EYA4: variants seen among roughly 807,000 people sequenced by gnomAD.
The protein encoded by EYA4 is protein phosphatase EYA4.
Under a neutral mutation model 87.9 loss-of-function variants are expected in EYA4, and 31 were observed. The ratio of observed to expected loss-of-function variants is 0.35; its 90% CI spans 0.27 to 0.48. The LOEUF is 0.48. EYA4 is among the 20% of genes least tolerant of loss of function. The pLI is 0.99. For synonymous variants in EYA4, 263 were observed against 270.6 expected (o/e 0.97, Z 0.28); for missense variants, 678 against 761.4 (o/e 0.89, Z 1.29).
chr6:133,268,705 G>A (rs1213550883), intron 1 of EYA4, among the ~76,000 whole-genome samples: 1 of 152,104 alleles, frequency 6.6e-6, no homozygotes, highest in African/African-American at 2.4e-5. Context: ...AAGGATCAAT[G>A]GGTCAGCTAG....
chr6:133,344,060 G>A (rs1283064755), intron 2 of EYA4, among the ~76,000 whole-genome samples: 3 of 152,164 alleles, frequency 2.0e-5, no homozygotes, highest in South Asian at 2.1e-4. Flanking sequence ...CTTGAGAAGC[G>A]AGAACAGGAG....
intron 2 of EYA4, among the ~76,000 whole-genome samples, chr6:133,303,380 T>A (rs1779559615): frequency 6.6e-6 from 1 of 152,218 alleles, no homozygotes; most frequent in Non-Finnish European, 1.5e-5. Flanking sequence ...ATTTCAGATA[T>A]TCACTTAACT....
intron 7 of EYA4, 71 bp downstream of exon 7, chr6:133,461,251 G>C: frequency 9.4e-7 from 1 of 1,068,808 alleles, no homozygotes; most frequent in Non-Finnish European, 1.5e-6. Context: ...TAGATGGTTG[G>C]ATAATACTTG....
chr6:133,407,655 G>A (rs1788837607), intron 3 of EYA4, among the ~76,000 whole-genome samples: 1 of 151,926 alleles, frequency 6.6e-6, no homozygotes, highest in Admixed American at 6.6e-5. Context: ...GTTGAGCCCA[G>A]TAAGAATTTG....
At chr6:133,325,703 G>C (rs1444750333) in intron 2 of EYA4, among the ~76,000 whole-genome samples, 1 of 152,146 alleles carries the variant, frequency 6.6e-6, no homozygotes, top group Non-Finnish European at 1.5e-5. Flanking sequence ...TCTAAGGCAG[G>C]GGTCAGCAGA....
intron 1 of EYA4, among the ~76,000 whole-genome samples, chr6:133,267,559 T>C (rs939575159): frequency 1.3e-5 from 2 of 152,024 alleles, no homozygotes; most frequent in Non-Finnish European, 2.9e-5. Context: ...ATTTTTTGTA[T>C]TTTAGTAGAG....
intron 13 of EYA4, among the ~76,000 whole-genome samples, chr6:133,497,352 T>A (rs921291324): frequency 1.3e-5 from 2 of 152,172 alleles, no homozygotes; most frequent in Admixed American, 1.3e-4. Flanking sequence ...TTTGGAAAAT[T>A]CTACTTCCAT....
At chr6:133,521,301 G>A (rs200996545) in intron 17 of EYA4, among the ~76,000 whole-genome samples, 27,872 of 147,736 alleles carry the variant, frequency 0.19, 3,083 homozygotes, top group African/African-American at 0.33. Context: ...AAAAGTGGGC[G>A]AAGGACATGA....
At chr6:133,306,243 G>C (rs1029564566) in intron 2 of EYA4, among the ~76,000 whole-genome samples, 13 of 152,186 alleles carry the variant, frequency 8.5e-5, no homozygotes, top group African/African-American at 3.1e-4. Flanking sequence ...GAGTTCATTT[G>C]AGAATTCAAC....
At chr6:133,357,483 C>T (rs1004535785) in intron 2 of EYA4, among the ~76,000 whole-genome samples, 6 of 152,004 alleles carry the variant, frequency 3.9e-5, no homozygotes, top group African/African-American at 1.5e-4. Flanking sequence ...AATTATGGTA[C>T]CTAATCTAAT....
intron 13 of EYA4, among the ~76,000 whole-genome samples, chr6:133,503,736 T>C (rs1228271977): frequency 6.6e-6 from 1 of 152,044 alleles, no homozygotes; most frequent in Non-Finnish European, 1.5e-5. Context: ...AGACTAATTA[T>C]AGGAATTTTT....
chr6:133,254,042 G>T (rs1232388226), intron 1 of EYA4, among the ~76,000 whole-genome samples: 1 of 152,116 alleles, frequency 6.6e-6, no homozygotes, highest in Non-Finnish European at 1.5e-5. Flanking sequence ...GGTCATGAAA[G>T]CTGGTTTATT....
chr6:133,274,585 T>C, intron 1 of EYA4, 131 bp from the exon 2 acceptor site: 1 of 602,648 alleles, frequency 1.7e-6, no homozygotes, highest in Non-Finnish European at 2.9e-6. Context: ...ACAATATTAG[T>C]GGATTTTCTT....
In EYA4 at chr6:133,512,792, T is replaced by C. The variant is rs781367041; in HGVS notation, c.1340+13T>C. 1 of 1,612,272 alleles carries C rather than the reference T, an allele frequency of 6.2e-7. No individual in the cohort carries two copies. Among genetic ancestry groups the C allele is most frequent in the Non-Finnish European group, 8.5e-7 (1 of 1,178,236 alleles). On this transcript the variant is annotated intron_variant, in intron 15 of 19. Coordinates refer to ENST00000355286, the MANE Select transcript of EYA4 (RefSeq NM_004100.5). ...GGCAGGACTTAAGGTAAGCTATGCC[T>C]TTCAGTATGCTGTTTCCTACAGAAA...
At chr6:133,309,901 T>C (rs1279561247) in intron 2 of EYA4, among the ~76,000 whole-genome samples, 1 of 152,174 alleles carries the variant, frequency 6.6e-6, no homozygotes, top group Non-Finnish European at 1.5e-5. Context: ...GAAAAGTTTC[T>C]GGGATTTGTA....
chr6:133,476,984 T>G (rs1328897635), intron 11 of EYA4, among the ~76,000 whole-genome samples: 2 of 151,806 alleles, frequency 1.3e-5, no homozygotes, highest in African/African-American at 4.8e-5. Context: ...GAGTGAGTTC[T>G]CATGAAATCT....
At chr6:133,301,644 A>G (rs1485876858) in intron 2 of EYA4, among the ~76,000 whole-genome samples, 3 of 152,196 alleles carry the variant, frequency 2.0e-5, no homozygotes, top group East Asian at 3.8e-4. Flanking sequence ...TTTCTATTTT[A>G]TAGGGAAATT....
chr6:133,251,825 G>T (rs2128230939), intron 1 of EYA4, among the ~76,000 whole-genome samples: 1 of 152,280 alleles, frequency 6.6e-6, no homozygotes, highest in Admixed American at 6.5e-5. Context: ...ATTTGATATA[G>T]TCAAAAAACT....
intron 13 of EYA4, among the ~76,000 whole-genome samples, chr6:133,491,336 GA>G (rs1489311142): frequency 6.6e-6 from 1 of 151,802 alleles, no homozygotes; most frequent in South Asian, 2.1e-4. Context: ...AACTTGAAAT[GA>G]AAAAAATACA....
Sources: allele counts gnomAD v4.1 joint callset (sites outside exome capture counted in the v4.1 genomes callset), GRCh38; gene constraint gnomAD v4.1.1; transcripts MANE v1.5; gene names NCBI Gene and HGNC (gene_info 2026-07-23, HGNC 2026-07-21).